BCAS3: variants seen among roughly 807,000 people sequenced by gnomAD.
BCAS3 encodes BCAS4/BCAS3 fusion.
BCAS3 carries 53 observed loss-of-function variants against 116.1 expected under a neutral mutation model. The ratio of observed to expected loss-of-function variants is 0.46; its 90% CI spans 0.37 to 0.57. The LOEUF is 0.57. BCAS3 is among the 20% of genes least tolerant of loss of function. The pLI, the probability that BCAS3 is intolerant of heterozygous loss-of-function variation, is 0.00. For missense variants in BCAS3, 917 were observed against 1,165.4 expected, an observed-to-expected ratio of 0.79 and a Z score of 3.10; for synonymous variants, 391 against 408.2, an observed-to-expected ratio of 0.96 and a Z score of 0.51.
chr17:61,175,259 T>A (rs534565160), intron 22 of BCAS3, among the ~76,000 whole-genome samples: 1 of 152,092 alleles, frequency 6.6e-6, no homozygotes, highest in South Asian at 2.1e-4. Context: ...ATATAAAGAT[T>A]AGCTGGGTGT....
In BCAS3 at chr17:61,151,789, C is replaced by T. The variant is rs1205626644; in HGVS notation, c.2425+67225C>T. Among the ~76,000 whole-genome samples the T allele has an allele frequency of 6.6e-6, 1 of 152,166 alleles. No homozygotes were observed. The highest frequency in any genetic ancestry group is 1.5e-5 in the Non-Finnish European group (1 of 68,040). Reference sequence around the variant, plus strand: ...TATATTTTGAATGACTGTTGTATGCCAGGTGCTCTTGGCAAGGTCTCTGGA... The same window carrying T: ...TATATTTTGAATGACTGTTGTATGCTAGGTGCTCTTGGCAAGGTCTCTGGA... On this transcript the variant is annotated intron_variant, in intron 22 of 23. Transcript: ENST00000407086. This position sits in a 1 kb window ranked among gnomAD's most constrained non-coding sequence, Gnocchi z 4.8.
At chr17:60,950,464 ATAAC>A (rs1253039245) in intron 14 of BCAS3, among the ~76,000 whole-genome samples, 1 of 152,230 alleles carries the variant, frequency 6.6e-6, no homozygotes, top group Non-Finnish European at 1.5e-5. Context: ...TTTATCAACT[ATAAC>A]TAATTTGCTG....
At position 60,956,123 on chromosome 17, in the gene BCAS3, A is replaced by G. The variant is rs1322964279; in HGVS notation, c.1221+8771A>G. Among the ~76,000 whole-genome samples the G allele has an allele frequency of 6.6e-6, 1 of 152,176 alleles. No homozygotes were observed. Among genetic ancestry groups the G allele is most frequent in the Non-Finnish European group, 1.5e-5 (1 of 68,028 alleles). On this transcript the variant is annotated intron_variant, in intron 14 of 23. Coordinates refer to ENST00000407086, the MANE Select transcript of BCAS3 (RefSeq NM_017679.5). This position sits in a 1 kb window ranked among gnomAD's most constrained non-coding sequence, Gnocchi z 4.2. ...TTTATTTACCTATCATTTTGGTCTC[A>G]TAGATTCCTATTTTATTCAATGGAT...
chr17:61,003,205 C>A (rs75007026), intron 15 of BCAS3, among the ~76,000 whole-genome samples: 1 of 151,496 alleles, frequency 6.6e-6, no homozygotes, highest in African/African-American at 2.4e-5. Flanking sequence ...ATTTCCCCAA[C>A]GTATGTTTCA....
At chr17:61,305,323 G>A (rs2053767341) in intron 22 of BCAS3, among the ~76,000 whole-genome samples, 1 of 152,062 alleles carries the variant, frequency 6.6e-6, no homozygotes, top group Non-Finnish European at 1.5e-5. Context: ...AGGCAGCAGA[G>A]TACCACTCAC....
intron 6 of BCAS3, among the ~76,000 whole-genome samples, chr17:60,748,294 A>G (rs2042170865): frequency 6.6e-6 from 1 of 152,200 alleles, no homozygotes; most frequent in Admixed American, 6.5e-5. Context: ...GGTGGAGGAA[A>G]CAAGCAACAG....
chr17:60,910,371 A>G (rs1479260658), intron 11 of BCAS3, among the ~76,000 whole-genome samples, 161 bp from the exon 12 acceptor site: 1 of 152,218 alleles, frequency 6.6e-6, no homozygotes, highest in Non-Finnish European at 1.5e-5. Context: ...TTAAAATTCA[A>G]GATCATTAAA....
At chr17:61,389,102 A>G (rs1002422979) in intron 23 of BCAS3, 31 of 200,332 alleles carry the variant, frequency 1.5e-4, no homozygotes, top group African/African-American at 7.2e-4. Flanking sequence ...GATGAGACAC[A>G]TGGGACGATG....
chr17:60,911,123 CT>C (rs1162942971), intron 12 of BCAS3, among the ~76,000 whole-genome samples: 6 of 88,266 alleles, frequency 6.8e-5, no homozygotes, highest in East Asian at 3.9e-4. Context: ...TTTTTTCTTT[CT>C]TTTTTTTTTT....
intron 22 of BCAS3, among the ~76,000 whole-genome samples, chr17:61,169,327 C>T (rs1208412634): frequency 6.6e-6 from 1 of 152,140 alleles, no homozygotes; most frequent in Non-Finnish European, 1.5e-5. Flanking sequence ...ATGAAGGTAA[C>T]ATTTTATGTG....
At chr17:60,837,500 G>A (rs1484030823) in intron 7 of BCAS3, among the ~76,000 whole-genome samples, 1 of 151,906 alleles carries the variant, frequency 6.6e-6, no homozygotes, top group Non-Finnish European at 1.5e-5. Context: ...AAGATAATAA[G>A]GTAATATTAT....
At chr17:61,066,567 T>C (rs1171121584) in intron 19 of BCAS3, among the ~76,000 whole-genome samples, 2 of 152,170 alleles carry the variant, frequency 1.3e-5, no homozygotes. Context: ...TCTTAAACCA[T>C]GTCCAATATA....
intron 23 of BCAS3, among the ~76,000 whole-genome samples, chr17:61,371,624 T>G (rs963477977): frequency 2.0e-5 from 3 of 152,230 alleles, no homozygotes; most frequent in Non-Finnish European, 4.4e-5. Context: ...GCATGTTAAT[T>G]AGCTCGATTT....
intron 13 of BCAS3, among the ~76,000 whole-genome samples, chr17:60,935,308 A>G (rs1476303903): frequency 1.3e-5 from 2 of 152,182 alleles, no homozygotes; most frequent in Non-Finnish European, 2.9e-5. Context: ...TAAGAGTACA[A>G]CAATGTAAAA....
chr17:61,264,016 T>C (rs891906907), intron 22 of BCAS3, among the ~76,000 whole-genome samples: 2 of 152,240 alleles, frequency 1.3e-5, no homozygotes, highest in African/African-American at 4.8e-5. Flanking sequence ...TATCAGCGGG[T>C]AATTTACAAT....
At chr17:60,833,391 T>G (rs977054189) in intron 7 of BCAS3, among the ~76,000 whole-genome samples, 1 of 152,214 alleles carries the variant, frequency 6.6e-6, no homozygotes, top group Non-Finnish European at 1.5e-5. Context: ...CCTAAAGAAA[T>G]AGTTTTAATT....
intron 22 of BCAS3, among the ~76,000 whole-genome samples, chr17:61,240,391 C>T (rs2047407506): frequency 6.6e-6 from 1 of 152,180 alleles, no homozygotes; most frequent in Admixed American, 6.5e-5. Flanking sequence ...TGGGTCACAC[C>T]TGTAACCCCA....
rs75229063 is a variant in BCAS3, at chr17:60,924,518, CTTTT to C, written c.1087+33_1087+36del. 1.1e-3 allele frequency: 1,189 copies of C among 1,094,324 alleles called. No individual in the cohort carries two copies. The highest frequency in any genetic ancestry group is 1.4e-3 in the South Asian group (85 of 59,110). The allele number at this position is 1,094,324 out of a possible 1,614,324, so 67.8% of individuals were successfully genotyped here. On this transcript the variant is annotated intron_variant, in intron 13 of 23. Transcript: ENST00000407086. Reference sequence around the variant, plus strand: ...TACAAGTGGTAAGTTCGCTCTCTGTCTTTTTTTTTTTTTTTTTTGTAGACCATTT... The same window carrying C: ...TACAAGTGGTAAGTTCGCTCTCTGTCTTTTTTTTTTTTTTGTAGACCATTT...
At chr17:60,899,081 A>G (rs918740126) in intron 10 of BCAS3, among the ~76,000 whole-genome samples, 6 of 152,154 alleles carry the variant, frequency 3.9e-5, no homozygotes, top group Admixed American at 6.5e-5. Context: ...AGGCTCCCCA[A>G]TGATGAGAGC....
Sources: gnomAD v4.1 joint callset for allele counts (sites outside exome capture counted in the v4.1 genomes callset) on GRCh38, gnomAD v4.1.1 for gene constraint, Gnocchi (gnomAD v3.1) non-coding constraint, MANE v1.5 for transcripts, NCBI Gene and HGNC (gene_info 2026-07-23, HGNC 2026-07-21) for gene names.